PODXL2: variants seen among roughly 807,000 people sequenced by gnomAD.
The protein encoded by PODXL2 is podocalyxin-like protein 2.
PODXL2 carries 17 observed loss-of-function variants against 53.4 expected under a neutral mutation model. The ratio of observed to expected loss-of-function variants is 0.32; its 90% confidence interval spans 0.22 to 0.48. The LOEUF (loss-of-function observed/expected upper bound fraction) is 0.48. PODXL2 is among the 20% of genes least tolerant of loss of function. The pLI is 0.99. For missense variants in PODXL2, 673 were observed against 760.0 expected (o/e 0.89, Z 1.35); for synonymous variants, 311 against 306.7 (o/e 1.01, Z -0.15).
chr3:127,668,762 G>A (rs1452943592), intron 5 of PODXL2, among the ~76,000 whole-genome samples, 165 bp downstream of exon 5: 1 of 152,176 alleles, frequency 6.6e-6, no homozygotes, highest in Non-Finnish European at 1.5e-5. Context: ...CACCAGCTTG[G>A]GTTCTGGGGA....
chr3:127,634,967 G>C, intron 1 of PODXL2, among the ~76,000 whole-genome samples: 1 of 152,142 alleles, frequency 6.6e-6, no homozygotes, highest in East Asian at 1.9e-4. Flanking sequence ...AGCACTATGA[G>C]GACTGTAATT....
chr3:127,663,642 G>T (rs2074780107), intron 4 of PODXL2, among the ~76,000 whole-genome samples: 1 of 152,214 alleles, frequency 6.6e-6, no homozygotes, highest in Admixed American at 6.5e-5. Context: ...GCCAGGGAAA[G>T]CCTCTTTGAG....
intron 2 of PODXL2, among the ~76,000 whole-genome samples, chr3:127,659,381 G>T (rs2074747452): frequency 6.6e-6 from 1 of 152,120 alleles, no homozygotes; most frequent in Non-Finnish European, 1.5e-5. Context: ...CATTTTGACA[G>T]TTAAAATTGT....
chr3:127,646,149 C>T lies in PODXL2; in HGVS notation c.349+6626C>T, dbSNP rs774473920. Among the ~76,000 whole-genome samples, 5 of 152,158 alleles carry T rather than the reference C, an allele frequency of 3.3e-5. No homozygotes were observed. In the South Asian group the frequency reaches 8.3e-4, roughly 25 times the overall value. On this transcript the variant is annotated intron_variant, in intron 2 of 7. Coordinates refer to ENST00000342480, the MANE Select transcript of PODXL2 (RefSeq NM_015720.4). Reference sequence around the variant, plus strand: ...TTAGGGGTTGTGGGTTCTCATTTAACGTCCACTGAAAAATGTAAGTATATA... The same window carrying T: ...TTAGGGGTTGTGGGTTCTCATTTAATGTCCACTGAAAAATGTAAGTATATA...
At chr3:127,654,446 C>A (rs920598153) in intron 2 of PODXL2, among the ~76,000 whole-genome samples, 2 of 152,200 alleles carry the variant, frequency 1.3e-5, no homozygotes, top group Admixed American at 6.5e-5. Flanking sequence ...CCTGCTTTCA[C>A]ACTGCTGGTG....
Position 127,629,474 on chromosome 3 carries a change from G to T in PODXL2, c.70+185G>T, listed in dbSNP as rs2074527447. Among the ~76,000 whole-genome samples the T allele has an allele frequency of 6.7e-6, 1 of 150,350 alleles. No individual in the cohort carries two copies. The highest frequency in any genetic ancestry group is 2.1e-4 in the South Asian group (1 of 4,826). On this transcript the variant is annotated intron_variant, in intron 1 of 7. Transcript: ENST00000342480. The surrounding 1 kb of genome is among the most constrained non-coding windows in gnomAD (Gnocchi z 6.4). ...GGAGTGGGTGCGTGGGGGCCGCGGC[G>T]GGCGCCTGGCGTGCCGGGCGACCCC...
intron 7 of PODXL2, among the ~76,000 whole-genome samples, chr3:127,672,014 C>G (rs1372950978): frequency 6.6e-6 from 1 of 152,252 alleles, no homozygotes; most frequent in South Asian, 2.1e-4. Flanking sequence ...TCCCTGCCCA[C>G]CTCGCAAGTG....
At position 127,639,433 on chromosome 3, in the gene PODXL2, G is replaced by A; in HGVS notation, c.259G>A (p.Glu87Lys). 1.2e-6 allele frequency: 2 copies of A among 1,614,270 alleles called. No homozygotes were observed. The highest frequency in any genetic ancestry group is 1.3e-5 in the African/African-American group (1 of 75,082). ...CTCAGGCTTCCCCAGCGAAGAGAATGAAGAGTCTCGGATTCTGCAGCCACC... is the reference window on the plus strand; with the variant it reads ...CTCAGGCTTCCCCAGCGAAGAGAATAAAGAGTCTCGGATTCTGCAGCCACC... ...PGSGFPSEEN[E>K]ESRILQPPQY... The change falls in exon 2 of 8, where the codon GAA becomes AAA. Residue 87 changes from glutamate (E) to lysine (K), a missense_variant. Glu to Lys is a moderately conservative substitution (Grantham distance 56, BLOSUM62 1). This residue lies in a region of PODXL2 where 588 missense variants were observed against 668.3 expected (regional missense o/e 0.88). Transcript: ENST00000342480.
chr3:127,672,433 C>T lies in PODXL2; in HGVS notation c.1771C>T (p.Arg591Trp). ...CTGGGGGGCGCTCATGGGGGGCAAG[C>T]GGGACCCCGAGGACTCGGACGTGTT... ...GSWGALMGGK[R>W]DPEDSDVFEE... Residue 591 changes from arginine (R) to tryptophan (W), a missense_variant, in exon 8 of 8, where the codon CGG becomes TGG. Physicochemically the swap from Arg to Trp is moderately radical, Grantham distance 101. Around this residue, in one of 3 missense-constraint regions of PODXL2, gnomAD observed 79 missense variants for 70.5 expected, o/e 1.12. Transcript: ENST00000342480. 1 of 1,539,644 alleles carries T rather than the reference C, an allele frequency of 6.5e-7. No individual in the cohort carries two copies. Among genetic ancestry groups the T allele is most frequent in the Non-Finnish European group, 8.7e-7 (1 of 1,144,814 alleles).
At position 127,643,665 on chromosome 3, in the gene PODXL2, G is replaced by GTC. The variant is rs536836946; in HGVS notation, c.349+4145_349+4146dup. Among the ~76,000 whole-genome samples, 791 of 150,176 alleles carry GTC rather than the reference G, an allele frequency of 5.3e-3. 6 individuals are homozygous for GTC. The highest frequency in any genetic ancestry group is 0.018 in the African/African-American group (722 of 40,858). Reference sequence around the variant, plus strand: ...ATTATTTTTATTTTTTGGACACAGGGTCTCGCTTTGTACCTCAGGCTGGAG... The same window carrying GTC: ...ATTATTTTTATTTTTTGGACACAGGGTCTCTCGCTTTGTACCTCAGGCTGGAG... On this transcript the variant is annotated intron_variant, in intron 2 of 7. Coordinates refer to ENST00000342480, the MANE Select transcript of PODXL2 (RefSeq NM_015720.4).
chr3:127,645,119 C>T (rs1417141635), intron 2 of PODXL2, among the ~76,000 whole-genome samples: 1 of 152,224 alleles, frequency 6.6e-6, no homozygotes, highest in Non-Finnish European at 1.5e-5. Context: ...CTTGATAGTC[C>T]GGCCCCAGCC....
At chr3:127,648,073 A>G (rs1189847388) in intron 2 of PODXL2, among the ~76,000 whole-genome samples, 1 of 152,178 alleles carries the variant, frequency 6.6e-6, no homozygotes, top group Non-Finnish European at 1.5e-5. Context: ...AATCTGTAAA[A>G]GCAGGCATGA....
intron 2 of PODXL2, among the ~76,000 whole-genome samples, chr3:127,656,734 CAAAAAAAAAA>C (rs71150487): frequency 1.7e-3 from 49 of 28,114 alleles, no homozygotes; most frequent in African/African-American, 4.3e-3. Context: ...GACTCCATCT[CAAAAAAAAAA>C]AAAAAAAAAA....
intron 2 of PODXL2, among the ~76,000 whole-genome samples, chr3:127,653,536 C>T (rs1418239396): frequency 1.3e-5 from 2 of 152,174 alleles, no homozygotes; most frequent in East Asian, 3.9e-4. Context: ...GTCCCAGCTA[C>T]TCAGGAGGCT....
rs2074526949 is a variant in PODXL2 at position 127,629,409 on chromosome 3, C to T, written c.70+120C>T. On this transcript the variant is annotated intron_variant, in intron 1 of 7. Coordinates refer to ENST00000342480, the MANE Select transcript of PODXL2 (RefSeq NM_015720.4). This position sits in a 1 kb window ranked among gnomAD's most constrained non-coding sequence, Gnocchi z 6.4. ...GCGGCGCCGCCGGGAGCGCGCGTGT[C>T]CCGGCCGGGCCGCGGCGCCGCCCCG... 1 of 775,484 alleles carries T rather than the reference C, an allele frequency of 1.3e-6. No individual in the cohort carries two copies. The highest frequency in any genetic ancestry group is 5.5e-5 in the South Asian group (1 of 18,054). 48.0% of individuals were successfully genotyped at this position (775,484 alleles called of 1,614,324 possible). A position where few individuals can be genotyped will look rare whatever the true frequency, so the allele number is the denominator to read the frequency against.
intron 2 of PODXL2, 120 bp downstream of exon 2, chr3:127,639,643 T>C (rs1003467444): frequency 5.2e-6 from 5 of 963,810 alleles, no homozygotes; most frequent in Non-Finnish European, 7.7e-6. Flanking sequence ...TTTACCATGC[T>C]GCTGCTGTTT....
chr3:127,669,249 C>G, intron 6 of PODXL2, 47 bp downstream of exon 6: 1 of 1,299,492 alleles, frequency 7.7e-7, no homozygotes, highest in Non-Finnish European at 1.1e-6. Context: ...TATGCTCCCT[C>G]CTGTCTCTGT....
chr3:127,666,900 C>T (rs947578526), intron 4 of PODXL2, among the ~76,000 whole-genome samples: 3 of 152,214 alleles, frequency 2.0e-5, no homozygotes, highest in Admixed American at 2.0e-4. Flanking sequence ...CACAGCAGAG[C>T]ACAGAGCCAC....
chr3:127,640,162 T>A (rs545534322), intron 2 of PODXL2, among the ~76,000 whole-genome samples: 2 of 152,318 alleles, frequency 1.3e-5, no homozygotes, highest in South Asian at 4.1e-4. Flanking sequence ...CCCACCGCCA[T>A]GAGCTGACAT....
Sources: gnomAD v4.1 joint callset for allele counts (sites outside exome capture counted in the v4.1 genomes callset) on GRCh38, gnomAD v4.1.1 for gene constraint, gnomAD v4.1.1 regional missense constraint, Gnocchi (gnomAD v3.1) non-coding constraint, MANE v1.5 for transcripts, NCBI Gene and HGNC (gene_info 2026-07-23, HGNC 2026-07-21) for gene names.